The following PTPRD variants were observed in gnomAD, a reference collection of about 807,000 sequenced individuals.
PTPRD encodes the protein receptor-type tyrosine-protein phosphatase delta.
PTPRD carries 34 observed loss-of-function variants against 214.5 expected under a neutral mutation model. The ratio of observed to expected loss-of-function variants is 0.16; its 90% CI spans 0.12 to 0.21. The LOEUF is 0.21. Among genes scored for constraint, PTPRD ranks in the 10% least tolerant of loss-of-function variants. The probability of loss-of-function intolerance (pLI) is 1.00; values close to 1 mark genes in which losing one functional copy is unlikely to be tolerated. For synonymous variants in PTPRD, 1,128 were observed against 845.7 expected (o/e 1.33, Z -5.79); for missense variants, 2,545 against 2,398.7 (o/e 1.06, Z -1.27).
At chr9:10,478,291 A>G (rs1407630246) in intron 2 of PTPRD, among the ~76,000 whole-genome samples, 1 of 152,366 alleles carries the variant, frequency 6.6e-6, no homozygotes, top group East Asian at 1.9e-4. Context: ...TTTCACTTAC[A>G]TATTACCCAC....
chr9:8,988,976 T>A (rs775038528), intron 11 of PTPRD, among the ~76,000 whole-genome samples: 10 of 152,094 alleles, frequency 6.6e-5, no homozygotes, highest in Non-Finnish European at 1.5e-4. Context: ...ACTATACAAA[T>A]GTTTACATAA....
chr9:9,663,529 A>C (rs1419067084), intron 7 of PTPRD, among the ~76,000 whole-genome samples: 1 of 151,472 alleles, frequency 6.6e-6, no homozygotes, highest in Non-Finnish European at 1.5e-5. Flanking sequence ...AGCTAAGCAG[A>C]ATTCCATCCC....
At chr9:9,775,158 C>A (rs1417671010) in intron 5 of PTPRD, among the ~76,000 whole-genome samples, 5 of 152,192 alleles carry the variant, frequency 3.3e-5, no homozygotes, top group African/African-American at 1.2e-4. Context: ...AGTTCATCAA[C>A]TAATTGCATT....
chr9:8,776,978 T>C (rs527835603), intron 11 of PTPRD, among the ~76,000 whole-genome samples: 10 of 149,054 alleles, frequency 6.7e-5, no homozygotes, highest in African/African-American at 9.8e-5. Flanking sequence ...TATTCATATA[T>C]ATATACATTT....
chr9:10,421,959 T>C (rs1036644687), intron 2 of PTPRD, among the ~76,000 whole-genome samples: 4 of 152,038 alleles, frequency 2.6e-5, no homozygotes, highest in East Asian at 2.0e-4. Context: ...TGGAGAATGA[T>C]TTAAGTATAA....
chr9:9,010,690 C>A (rs1276524347), intron 11 of PTPRD, among the ~76,000 whole-genome samples: 1 of 152,106 alleles, frequency 6.6e-6, no homozygotes, highest in African/African-American at 2.4e-5. Context: ...TTCCAGTTAA[C>A]CCAGGATGAT....
chr9:9,233,091 T>G (rs1434263955), intron 9 of PTPRD, among the ~76,000 whole-genome samples: 1 of 152,122 alleles, frequency 6.6e-6, no homozygotes, highest in Non-Finnish European at 1.5e-5. Flanking sequence ...TGTATTAGTT[T>G]GTTCCCATGC....
intron 7 of PTPRD, among the ~76,000 whole-genome samples, chr9:9,684,693 TTGTGTGTGTGTGTGTGTA>T (rs1434035836): frequency 6.7e-6 from 1 of 149,052 alleles, no homozygotes; most frequent in Non-Finnish European, 1.5e-5. Context: ...AATACAGCAT[TTGTGTGTGTGTGTGTGTA>T]TGTGTGTGTG....
chr9:10,063,840 C>T (rs562389894), intron 3 of PTPRD, among the ~76,000 whole-genome samples: 1 of 151,740 alleles, frequency 6.6e-6, no homozygotes, highest in Admixed American at 6.6e-5. Context: ...AAAACAAAAA[C>T]AAAAAACAAA....
At chr9:9,473,166 A>G (rs907586651) in intron 8 of PTPRD, among the ~76,000 whole-genome samples, 6 of 152,016 alleles carry the variant, frequency 3.9e-5, no homozygotes, top group South Asian at 2.1e-4. Context: ...TCTACTCTCT[A>G]CTTCTGAGAG....
chr9:8,494,101 A>T (rs2136382855), intron 26 of PTPRD, among the ~76,000 whole-genome samples: 1 of 152,180 alleles, frequency 6.6e-6, no homozygotes, highest in Non-Finnish European at 1.5e-5. Context: ...AATATGGATA[A>T]ATTTAGGAAA....
chr9:10,186,873 A>T (rs768984405), intron 3 of PTPRD, among the ~76,000 whole-genome samples: 1 of 152,124 alleles, frequency 6.6e-6, no homozygotes, highest in Non-Finnish European at 1.5e-5. Flanking sequence ...TAACTCCACA[A>T]TTAGGAAACC....
intron 31 of PTPRD, among the ~76,000 whole-genome samples, chr9:8,466,446 T>A (rs1041982059): frequency 1.3e-5 from 2 of 151,960 alleles, no homozygotes; most frequent in African/African-American, 2.4e-5. Flanking sequence ...ATGCTTCATG[T>A]ATTTCTAAAG....
At chr9:8,441,792 A>G (rs1039027482) in intron 34 of PTPRD, among the ~76,000 whole-genome samples, 26 of 152,296 alleles carry the variant, frequency 1.7e-4, no homozygotes, top group African/African-American at 6.3e-4. Context: ...CAGAGGAGTT[A>G]AAGAACTCGA....
intron 12 of PTPRD, among the ~76,000 whole-genome samples, chr9:8,652,901 T>C (rs1026513714): frequency 1.3e-5 from 2 of 152,198 alleles, no homozygotes; most frequent in African/African-American, 4.8e-5. Context: ...TATTGTGAGA[T>C]AAGCCTTTAT....
chr9:8,662,866 T>G (rs2097092396), intron 12 of PTPRD, among the ~76,000 whole-genome samples: 5 of 152,160 alleles, frequency 3.3e-5, no homozygotes. Flanking sequence ...TTTATGATGA[T>G]TATCTTAAAG....
rs1822949737 is a variant in PTPRD at position 8,317,770 on chromosome 9, A to G, written c.*104T>C. The G allele has an allele frequency of 1.1e-6, 1 of 937,710 alleles. No individual in the cohort carries two copies. The highest frequency in any genetic ancestry group is 2.0e-5 in the Admixed American group (1 of 49,790). The allele number at this position is 937,710 out of a possible 1,614,324, so 58.1% of individuals were successfully genotyped here. A position where few individuals can be genotyped will look rare whatever the true frequency, so the allele number is the denominator to read the frequency against. On this transcript the variant is annotated 3_prime_UTR_variant, in exon 46 of 46. Transcript: ENST00000381196. ...GTAATAGTCCCACTAAGTAGTTGTT[A>G]GCTAGAAGTTAAGAAGGACTTCTCA... is the stretch of plus-strand genomic sequence containing the variant.
chr9:9,851,411 C>G (rs2060522518), intron 5 of PTPRD, among the ~76,000 whole-genome samples: 1 of 152,130 alleles, frequency 6.6e-6, no homozygotes, highest in Admixed American at 6.5e-5. Context: ...ATTATATCTT[C>G]TAGAATGTAC....
At chr9:8,568,387 A>G (rs2090073681) in intron 14 of PTPRD, among the ~76,000 whole-genome samples, 1 of 152,114 alleles carries the variant, frequency 6.6e-6, no homozygotes, top group African/African-American at 2.4e-5. Context: ...ATTACCTGTC[A>G]ATAGCAATGA....
Sources: allele counts gnomAD v4.1 joint callset (sites outside exome capture counted in the v4.1 genomes callset), GRCh38; gene constraint gnomAD v4.1.1; transcripts MANE v1.5; gene names NCBI Gene and HGNC (gene_info 2026-07-23, HGNC 2026-07-21).